Variants in TTC27 observed in about 807,000 individuals in gnomAD.
The protein encoded by TTC27 is tetratricopeptide repeat domain 27.
In TTC27, 79 loss-of-function variants were observed where a neutral mutation model predicts 115.9. The ratio of observed to expected loss-of-function variants is 0.68; its 90% confidence interval spans 0.57 to 0.82. TTC27 has a LOEUF of 0.82. Among genes scored for constraint, TTC27 ranks in the 40% least tolerant of loss-of-function variants. The pLI, the probability that TTC27 is intolerant of heterozygous loss-of-function variation, is 0.00. For synonymous variants in TTC27, 401 were observed against 356.0 expected (o/e 1.13, Z -1.42); for missense variants, 1,054 against 993.1 (o/e 1.06, Z -0.82).
At chr2:32,781,646 C>G (rs116522777) in intron 14 of TTC27, among the ~76,000 whole-genome samples, 1 of 152,160 alleles carries the variant, frequency 6.6e-6, no homozygotes, top group East Asian at 1.9e-4. Flanking sequence ...GAGCCTTGCT[C>G]TCTTGACCAG....
rs933294023 is a variant in TTC27, at chr2:32,812,766, A to T, written c.2308+151A>T. 4.3e-5 allele frequency: 26 copies of T among 606,964 alleles called. No individual in the cohort carries two copies. The East Asian group carries it at 7.1e-4, about 17-fold the overall frequency. The allele number at this position is 606,964 out of a possible 1,614,324, so 37.6% of individuals were successfully genotyped here. A position where few individuals can be genotyped will look rare whatever the true frequency, so the allele number is the denominator to read the frequency against. ...GTTGTATTTAATTCAGCAAACATTCATAGACCACCTACTATGTAATAGGCA... is the reference window on the plus strand; with the variant it reads ...GTTGTATTTAATTCAGCAAACATTCTTAGACCACCTACTATGTAATAGGCA... On this transcript the variant is annotated intron_variant, in intron 18 of 19. Transcript: ENST00000317907.
chr2:32,800,372 G>A (rs1379761904), intron 16 of TTC27, among the ~76,000 whole-genome samples: 2 of 152,006 alleles, frequency 1.3e-5, no homozygotes, highest in East Asian at 3.9e-4. Flanking sequence ...TAGTAGAGAT[G>A]GGGTTTCACC....
At chr2:32,735,642 A>G (rs1419175299) in intron 11 of TTC27, among the ~76,000 whole-genome samples, 1 of 147,130 alleles carries the variant, frequency 6.8e-6, no homozygotes, top group Non-Finnish European at 1.5e-5. Flanking sequence ...TATTATAAAA[A>G]GAGAATTAGT....
At chr2:32,773,181 C>T (rs1572599954) in intron 13 of TTC27, among the ~76,000 whole-genome samples, 2 of 152,168 alleles carry the variant, frequency 1.3e-5, no homozygotes, top group African/African-American at 4.8e-5. Flanking sequence ...GAGACAGAAA[C>T]GCTAGACAGT....
At chr2:32,719,618 T>C (rs765706431) in intron 10 of TTC27, among the ~76,000 whole-genome samples, 4 of 152,036 alleles carry the variant, frequency 2.6e-5, no homozygotes, top group Non-Finnish European at 5.9e-5. Flanking sequence ...ATTAAGGAAG[T>C]GTGTGGTTCT....
intron 3 of TTC27, among the ~76,000 whole-genome samples, chr2:32,637,028 C>A (rs1445658830): frequency 6.6e-6 from 1 of 152,114 alleles, no homozygotes; most frequent in African/African-American, 2.4e-5. Flanking sequence ...TTGACTAAGT[C>A]TTTGATTTTA....
At chr2:32,675,008 A>G (rs1666148119) in intron 8 of TTC27, among the ~76,000 whole-genome samples, 1 of 152,218 alleles carries the variant, frequency 6.6e-6, no homozygotes, top group African/African-American at 2.4e-5. Flanking sequence ...TACTTGTTCA[A>G]TCCATAACAA....
chr2:32,793,466 T>C (rs538866728), intron 16 of TTC27, among the ~76,000 whole-genome samples: 4 of 152,262 alleles, frequency 2.6e-5, no homozygotes, highest in Middle Eastern at 3.4e-3. Context: ...GAAATAAAAA[T>C]CTCAATAAAG....
intron 13 of TTC27, among the ~76,000 whole-genome samples, chr2:32,773,610 C>G (rs1169538264): frequency 6.6e-6 from 1 of 152,216 alleles, no homozygotes; most frequent in Admixed American, 6.5e-5. Flanking sequence ...GTGACTGACT[C>G]TGACTCTTTG....
At chr2:32,818,692 C>T (rs1001600829) in intron 19 of TTC27, among the ~76,000 whole-genome samples, 1 of 152,182 alleles carries the variant, frequency 6.6e-6, no homozygotes, top group Non-Finnish European at 1.5e-5. Context: ...ACTTTTCTAG[C>T]CTTTACTTGC....
Position 32,772,229 on chromosome 2 carries a change from C to T in TTC27, c.1681-5653C>T, listed in dbSNP as rs149782371. On this transcript the variant is annotated intron_variant, in intron 13 of 19. Transcript: ENST00000317907. ...GTTTAATAAGTATTACAGTCACTGTCTTCAGCACACATATTTCACACTTGG... is the reference window on the plus strand; with the variant it reads ...GTTTAATAAGTATTACAGTCACTGTTTTCAGCACACATATTTCACACTTGG... Among the ~76,000 whole-genome samples the T allele has an allele frequency of 6.7e-3, 1,023 of 152,250 alleles. 4 individuals carry two copies. Among genetic ancestry groups the T allele is most frequent in the Non-Finnish European group, 0.011 (729 of 68,022 alleles).
intron 5 of TTC27, among the ~76,000 whole-genome samples, chr2:32,652,087 A>G (rs1478922025): frequency 6.6e-6 from 1 of 152,062 alleles, no homozygotes; most frequent in African/African-American, 2.4e-5. Context: ...AAAAGGTAGG[A>G]GCCGGGCCAG....
intron 12 of TTC27, among the ~76,000 whole-genome samples, chr2:32,750,504 C>A (rs531044428): frequency 6.6e-6 from 1 of 152,172 alleles, no homozygotes; most frequent in Non-Finnish European, 1.5e-5. Context: ...GAAACAGTTT[C>A]CAGTTTAAGC....
intron 9 of TTC27, among the ~76,000 whole-genome samples, chr2:32,695,266 G>A (rs1246773454): frequency 2.0e-5 from 3 of 151,988 alleles, no homozygotes; most frequent in South Asian, 2.1e-4. Flanking sequence ...TAGGTACCTT[G>A]TTTAAGGGGA....
At chr2:32,805,153 G>A (rs1044364391) in intron 16 of TTC27, among the ~76,000 whole-genome samples, 2 of 152,156 alleles carry the variant, frequency 1.3e-5, no homozygotes, top group African/African-American at 2.4e-5. Flanking sequence ...GCTTTCCCTC[G>A]GTATGACCTG....
At chr2:32,671,847 T>C (rs1471932532) in intron 7 of TTC27, among the ~76,000 whole-genome samples, 2 of 152,248 alleles carry the variant, frequency 1.3e-5, no homozygotes, top group South Asian at 2.1e-4. Context: ...AGATCCAGTT[T>C]TGAATCCTGA....
At chr2:32,814,818 G>A (rs886086107) in intron 18 of TTC27, among the ~76,000 whole-genome samples, 4 of 152,110 alleles carry the variant, frequency 2.6e-5, no homozygotes, top group Non-Finnish European at 4.4e-5. Context: ...TACCATCTAG[G>A]TTTGTGTAAG....
intron 9 of TTC27, among the ~76,000 whole-genome samples, chr2:32,700,628 C>T (rs1287923097): frequency 1.3e-5 from 2 of 152,156 alleles, no homozygotes; most frequent in African/African-American, 4.8e-5. Flanking sequence ...ACCTCCACCT[C>T]CCAGGTTCAA....
At chr2:32,761,448 AC>A (rs1669433540) in intron 13 of TTC27, among the ~76,000 whole-genome samples, 1 of 151,940 alleles carries the variant, frequency 6.6e-6, no homozygotes, top group Non-Finnish European at 1.5e-5. Flanking sequence ...TATCTTTCAA[AC>A]TCAGGTCAGT....
Sources: allele counts gnomAD v4.1 joint callset (sites outside exome capture counted in the v4.1 genomes callset), GRCh38; gene constraint gnomAD v4.1.1; transcripts MANE v1.5; gene names NCBI Gene and HGNC (gene_info 2026-07-23, HGNC 2026-07-21).